The following XG variants were observed in gnomAD, a reference collection of about 807,000 sequenced individuals.
The protein encoded by XG is Xg glycoprotein (Xg blood group).
In XG, 24 loss-of-function variants were observed where a neutral mutation model predicts 25.7. That is an observed-to-expected ratio of 0.93 (90% CI 0.68 to 1.31). The LOEUF (loss-of-function observed/expected upper bound fraction) is 1.31, where lower values mean the gene tolerates loss of function less well. XG is among the 40% of genes most tolerant of loss of function. The pLI is 0.00. For missense variants in XG, 181 were observed against 187.6 expected (o/e 0.96, Z 0.21); for synonymous variants, 77 against 69.2 (o/e 1.11, Z -0.56).
At chrX:2,798,532 G>A (rs1377583400) in intron 7 of XG, among the ~76,000 whole-genome samples, 1 of 110,220 alleles carries the variant, frequency 9.1e-6, no homozygotes, top group East Asian at 2.8e-4. Flanking sequence ...CACTACACAG[G>A]GCTAATTTTT....
intron 1 of XG, among the ~76,000 whole-genome samples, chrX:2,767,567 G>A (rs934456376): frequency 3.3e-5 from 5 of 152,114 alleles, no homozygotes; most frequent in African/African-American, 1.2e-4. Context: ...AATAAACCCC[G>A]TGAAAGCAAT....
chrX:2,763,322 A>T (rs960853584), intron 1 of XG, among the ~76,000 whole-genome samples: 1 of 152,038 alleles, frequency 6.6e-6, no homozygotes, highest in Non-Finnish European at 1.5e-5. Flanking sequence ...CCAAGATAAC[A>T]TCTTACTATA....
chrX:2,753,170 A>T (rs2050368990), intron 1 of XG, among the ~76,000 whole-genome samples: 2 of 152,078 alleles, frequency 1.3e-5, no homozygotes, highest in Admixed American at 6.6e-5. Flanking sequence ...TTAAGATTGG[A>T]GTTGGTTGTT....
chrX:2,794,762 C>T lies in XG; in HGVS notation c.322+159C>T, dbSNP rs763282863. Among the ~76,000 whole-genome samples, 57 of 111,994 alleles carry T rather than the reference C, an allele frequency of 5.1e-4. 1 individual carries two copies. The South Asian group carries it at 0.011, about 22-fold the overall frequency. ...GGGATGACAGAGAAGGCCCCATGGC[C>T]GCATCAGTGGGGTTTGCGGTCTGGG... On this transcript the variant is annotated intron_variant, in intron 6 of 10. Transcript: ENST00000644266.
intron 8 of XG, among the ~76,000 whole-genome samples, chrX:2,806,985 T>C (rs2087003468): frequency 2.2e-5 from 2 of 89,530 alleles, no homozygotes; most frequent in South Asian, 5.4e-4. Flanking sequence ...ACTGGGTGCA[T>C]GTGTGTGCAC....
intron 10 of XG, 41 bp downstream of exon 10, chrX:2,811,493 C>A: frequency 1.0e-6 from 1 of 968,101 alleles, no homozygotes. Context: ...GTTACTAAGC[C>A]TGATTTAAAA....
intron 2 of XG, among the ~76,000 whole-genome samples, chrX:2,773,020 A>G (rs760583612): frequency 1.1e-4 from 16 of 143,304 alleles, no homozygotes; most frequent in African/African-American, 4.0e-4. Flanking sequence ...TATTTTAAAA[A>G]ATAGTTATAA....
chrX:2,787,316 A>T (rs1208853889), intron 4 of XG, among the ~76,000 whole-genome samples: 1 of 111,675 alleles, frequency 9.0e-6, no homozygotes, highest in East Asian at 2.8e-4. Flanking sequence ...CAGGGAGAAG[A>T]TGGTGTCTAC....
intron 9 of XG, among the ~76,000 whole-genome samples, chrX:2,809,698 T>A (rs2087036028): frequency 8.9e-6 from 1 of 112,362 alleles, no homozygotes; most frequent in Non-Finnish European, 1.9e-5. Flanking sequence ...TCTTCTGAAC[T>A]CCCTCTCTTG....
rs1265768136 is a variant in XG at position 2,765,189 on chromosome X, TA to T, written c.62-5353del. ...GGTGAAACCCCATCTCTACTAAAAA[TA>T]AAAAAAATTAGTTGGGCATAGTAGG... On this transcript the variant is annotated intron_variant, in intron 1 of 10. Transcript: ENST00000644266. 3.5e-3 allele frequency among the ~76,000 whole-genome samples: 520 copies of T among 149,236 alleles called. 4 individuals are homozygous for T. The highest frequency in any genetic ancestry group is 0.012 in the African/African-American group (485 of 40,466).
At chrX:2,775,410 G>A (rs1274929765) in intron 3 of XG, among the ~76,000 whole-genome samples, 1 of 152,156 alleles carries the variant, frequency 6.6e-6, no homozygotes. Context: ...TTATGAAGAT[G>A]AAATTTCAAG....
At chrX:2,754,297 A>C (rs1274523718) in intron 1 of XG, among the ~76,000 whole-genome samples, 5 of 152,132 alleles carry the variant, frequency 3.3e-5, no homozygotes, top group Non-Finnish European at 7.3e-5. Context: ...ACGGGATCTC[A>C]CTATGTTGTC....
At chrX:2,796,468 A>ATTG (rs1555894183) in intron 6 of XG, among the ~76,000 whole-genome samples, 1 of 95,992 alleles carries the variant, frequency 1.0e-5, no homozygotes, top group Non-Finnish European at 2.0e-5. Context: ...ATTTAGGTAT[A>ATTG]TGTGTGTGTG....
chrX:2,775,134 A>C (rs311158), intron 3 of XG: 108,050 of 208,702 alleles, frequency 0.52, 28,481 homozygotes, highest in African/African-American at 0.6. Context: ...GTATGTACTC[A>C]AAATAATTGA....
chrX:2,791,906 A>C (rs1382873301), intron 5 of XG, among the ~76,000 whole-genome samples: 3 of 110,603 alleles, frequency 2.7e-5, no homozygotes, highest in African/African-American at 6.6e-5. Context: ...CTTCCTCCTC[A>C]AAAGGCTCTG....
intron 1 of XG, among the ~76,000 whole-genome samples, chrX:2,766,308 G>C (rs1318625381): frequency 1.3e-5 from 2 of 151,852 alleles, no homozygotes; most frequent in Non-Finnish European, 2.9e-5. Context: ...GCTCAGCTAA[G>C]TTTTGTATTT....
chrX:2,774,530 G>C (rs188481873), intron 2 of XG, among the ~76,000 whole-genome samples, 186 bp from the exon 3 acceptor site: 11 of 152,172 alleles, frequency 7.2e-5, no homozygotes, highest in African/African-American at 2.4e-4. Flanking sequence ...GATTGTTTTT[G>C]AATGGATTTT....
chrX:2,752,217 G>A lies in XG; in HGVS notation c.-58G>A. 8 of 1,612,336 alleles carry A rather than the reference G, an allele frequency of 5.0e-6. No homozygotes were observed. The South Asian group carries it at 8.8e-5, about 18-fold the overall frequency. On this transcript the variant is annotated 5_prime_UTR_variant, in exon 1 of 11. Transcript: ENST00000644266. ...AACAACAGGAGGGTGGAGAGGCCGGGTCTCACAATCCGCTTGGCTGGGGAG... is the reference window on the plus strand; with the variant it reads ...AACAACAGGAGGGTGGAGAGGCCGGATCTCACAATCCGCTTGGCTGGGGAG...
At chrX:2,752,854 C>G (rs1385921259) in intron 1 of XG, 1 of 870,440 alleles carries the variant, frequency 1.1e-6, no homozygotes, top group Non-Finnish European at 1.4e-6. Context: ...CAAATTAAAA[C>G]CACCTGAATT....
Sources: gnomAD v4.1 joint callset for allele counts (sites outside exome capture counted in the v4.1 genomes callset) on GRCh38, gnomAD v4.1.1 for gene constraint, MANE v1.5 for transcripts, NCBI Gene and HGNC (gene_info 2026-07-23, HGNC 2026-07-21) for gene names.